CCDC28B: variants seen among roughly 807,000 people sequenced by gnomAD.
CCDC28B encodes the protein coiled-coil domain-containing protein 28B.
CCDC28B carries 17 observed loss-of-function variants against 18.7 expected under a neutral mutation model. That is an observed-to-expected ratio of 0.91 (90% CI 0.62 to 1.36). The LOEUF (loss-of-function observed/expected upper bound fraction) is 1.36. CCDC28B is among the 40% of genes most tolerant of loss of function. The pLI is 0.00. For synonymous variants in CCDC28B, 116 were observed against 105.1 expected (o/e 1.10, Z -0.64); for missense variants, 213 against 251.7 (o/e 0.85, Z 1.04).
At chr1:32,199,369 G>A (rs543548479), upstream of CCDC28B, among the ~76,000 whole-genome samples, 17 of 96,078 alleles carry the variant, frequency 1.8e-4, no homozygotes, top group East Asian at 5.4e-3. Context: ...TGGAGGGTGT[G>A]GGGGGGGTGC....
intron 2 of CCDC28B, 21 bp from the exon 3 acceptor site, chr1:32,203,858 G>C: frequency 1.3e-6 from 2 of 1,491,764 alleles, no homozygotes; most frequent in Non-Finnish European, 1.8e-6. Context: ...CTGTGATCAT[G>C]GTCATGTCCA....
At chr1:32,198,579 A>G (rs969904803), upstream of CCDC28B, among the ~76,000 whole-genome samples, 2 of 152,208 alleles carry the variant, frequency 1.3e-5, no homozygotes, top group Non-Finnish European at 2.9e-5. Context: ...TAGTGAAGGG[A>G]AAAGGTACTT....
chr1:32,204,808 G>A, intron 5 of CCDC28B, 188 bp downstream of exon 5: 1 of 1,582,262 alleles, frequency 6.3e-7, no homozygotes, highest in Non-Finnish European at 8.6e-7. Flanking sequence ...GAAGAAAAGT[G>A]GTTGTAGGGG....
upstream of CCDC28B, among the ~76,000 whole-genome samples, chr1:32,199,265 A>G (rs16834926): frequency 0.14 from 21,020 of 152,130 alleles, 2,004 homozygotes; most frequent in South Asian, 0.25. Flanking sequence ...GCCCACAATG[A>G]CTGTGACAGT....
chr1:32,200,966 A>G (rs1026429406), intron 1 of CCDC28B, among the ~76,000 whole-genome samples: 2 of 151,824 alleles, frequency 1.3e-5, no homozygotes, highest in African/African-American at 4.8e-5. Flanking sequence ...CCCTCCCCAC[A>G]CCCGCAGACC....
chr1:32,204,568 A>C (rs1351911089), intron 4 of CCDC28B, 30 bp from the exon 5 acceptor site: 5 of 1,546,094 alleles, frequency 3.2e-6, no homozygotes, highest in Non-Finnish European at 4.4e-6. Flanking sequence ...CCCTCCTAAC[A>C]GAAGCCTCCC....
intron 5 of CCDC28B, 167 bp downstream of exon 5, chr1:32,204,787 C>T (rs1390690043): frequency 6.2e-7 from 1 of 1,604,980 alleles, no homozygotes; most frequent in South Asian, 1.1e-5. Flanking sequence ...TTTAGAATTT[C>T]CCCAAAATTA....
rs199919893 is a variant in CCDC28B, at chr1:32,203,872, C to T, written c.165-7C>T. ...CCTGTGATCATGGTCATGTCCACCC[C>T]ACCCAGAGTAGGCAAAGAGAAGTGC... On this transcript the variant is annotated splice_polypyrimidine_tract_variant and splice_region_variant and intron_variant, in intron 2 of 5. Transcript: ENST00000373602. 5.3e-6 allele frequency: 8 copies of T among 1,498,890 alleles called. No homozygotes were observed. In the East Asian group the frequency reaches 1.9e-4, roughly 36 times the overall value. The allele number at this position is 1,498,890 out of a possible 1,614,324, so 92.8% of individuals were successfully genotyped here. A position where few individuals can be genotyped will look rare whatever the true frequency, so the allele number is the denominator to read the frequency against.
At chr1:32,204,643 C>T (rs1358210783) in intron 5 of CCDC28B, 23 bp downstream of exon 5, 1 of 1,609,498 alleles carries the variant, frequency 6.2e-7, no homozygotes, top group African/African-American at 1.3e-5. Flanking sequence ...AGGAACCCGT[C>T]TATGTGTGTG....
At position 32,201,957 on chromosome 1, in the gene CCDC28B, C is replaced by T. The variant is rs746623339; in HGVS notation, c.22C>T (p.Arg8Trp). MDDKKKK[R>W]SPKPCLAQPA... ...CCCAATGGATGACAAAAAGAAGAAACGGAGTCCCAAGCCCTGCCTGGCCCA... is the reference window on the plus strand; with the variant it reads ...CCCAATGGATGACAAAAAGAAGAAATGGAGTCCCAAGCCCTGCCTGGCCCA... Residue 8 changes from arginine to tryptophan, a missense_variant, in exon 2 of 6, where the codon CGG (arginine) becomes TGG (tryptophan). Physicochemically the swap from Arg to Trp is moderately radical, Grantham distance 101. Transcript: ENST00000373602. 1.2e-5 allele frequency: 19 copies of T among 1,605,792 alleles called. No homozygotes were observed. The Admixed American group carries it at 2.8e-4, about 23-fold the overall frequency.
In CCDC28B at chr1:32,204,222, G is replaced by A. The variant is rs201902661; in HGVS notation, c.368G>A (p.Arg123Gln). ...TCCTTTGAGCAGCTGGAGCACGTTC[G>A]GGAGATGCAGGAGAAGCTAGCCCGG... ...ECSFEQLEHV[R>Q]EMQEKLARLH... is the part of the protein sequence containing the mutation. Residue 123 changes from arginine to glutamine, a missense_variant, in exon 4 of 6, where the codon CGG becomes CAG. Transcript: ENST00000373602. 7.4e-6 allele frequency: 12 copies of A among 1,613,962 alleles called. No individual in the cohort carries two copies. Among genetic ancestry groups the A allele is most frequent in the South Asian group, 2.2e-5 (2 of 91,072 alleles).
upstream of CCDC28B, chr1:32,198,409 A>T (rs776603272): frequency 6.6e-6 from 1 of 152,252 alleles, no homozygotes; most frequent in Non-Finnish European, 1.5e-5. Context: ...GGTATCTTAC[A>T]TATTCCACAG....
chr1:32,202,087 C>A lies in CCDC28B; in HGVS notation c.152C>A (p.Ala51Asp). ...CATCTGCCATCCCCCAAGCAGCGGGCCAAGTTCAAGAGGTGGGTACAGAAG... is the reference window on the plus strand; with the variant it reads ...CATCTGCCATCCCCCAAGCAGCGGGACAAGTTCAAGAGGTGGGTACAGAAG... Reference protein sequence around the residue: ...LPHLPSPKQRAKFKRVGKEKC... With the variant: ...LPHLPSPKQRDKFKRVGKEKC... The change falls in exon 2 of 6, where the codon GCC (alanine) becomes GAC (aspartate). Residue 51 changes from alanine (A) to aspartate (D), a missense_variant. By Grantham distance (126) the Ala-to-Asp change is moderately radical (BLOSUM62 -2). Coordinates refer to ENST00000373602, the MANE Select transcript of CCDC28B (RefSeq NM_024296.5). 1 of 1,612,442 alleles carries A rather than the reference C, an allele frequency of 6.2e-7. No individual in the cohort carries two copies. Among genetic ancestry groups the A allele is most frequent in the Non-Finnish European group, 8.5e-7 (1 of 1,179,168 alleles).
chr1:32,201,625 G>A (rs373751280), intron 1 of CCDC28B: 14 of 243,490 alleles, frequency 5.7e-5, no homozygotes, highest in East Asian at 3.3e-4. Flanking sequence ...CCCAGCCACC[G>A]TGACAGGAAG....
At chr1:32,196,742 C>T (rs1643034228), upstream of CCDC28B, 1 of 152,258 alleles carries the variant, frequency 6.6e-6, no homozygotes, top group African/African-American at 2.4e-5. Flanking sequence ...GTTCATTGTC[C>T]TGCAGGTCCC....
chr1:32,204,969 C>A, intron 5 of CCDC28B: 2 of 1,274,454 alleles, frequency 1.6e-6, no homozygotes, highest in Non-Finnish European at 1.1e-6. Flanking sequence ...TCAGAAACAG[C>A]GCGAGTGCGC....
At chr1:32,197,709 G>T (rs1365917247), upstream of CCDC28B, 2 of 152,288 alleles carry the variant, frequency 1.3e-5, no homozygotes, top group Non-Finnish European at 2.9e-5. This position sits in a 1 kb window ranked among gnomAD's most constrained non-coding sequence, Gnocchi z 4.6. Context: ...GACCACAGCA[G>T]GTGAAGCTCA....
intron 4 of CCDC28B, 74 bp from the exon 5 acceptor site, chr1:32,204,524 T>C (rs1370115535): frequency 1.2e-5 from 18 of 1,517,788 alleles, no homozygotes; most frequent in Non-Finnish European, 1.4e-5. Flanking sequence ...CCCCAGAAGA[T>C]AGCCCCCAGA....
chr1:32,199,178 A>G (rs1322906674), upstream of CCDC28B, among the ~76,000 whole-genome samples: 5 of 152,092 alleles, frequency 3.3e-5, no homozygotes. Flanking sequence ...GGCACAAAGG[A>G]TGATATGTGC....
Sources: allele counts gnomAD v4.1 joint callset (sites outside exome capture counted in the v4.1 genomes callset), GRCh38; gene constraint gnomAD v4.1.1; non-coding constraint Gnocchi (gnomAD v3.1); transcripts MANE v1.5; gene names NCBI Gene and HGNC (gene_info 2026-07-23, HGNC 2026-07-21).